The following DCC variants were observed in gnomAD, a reference collection of about 807,000 sequenced individuals.
DCC encodes the protein netrin receptor DCC.
DCC carries 58 observed loss-of-function variants against 172.5 expected under a neutral mutation model. The observed-to-expected ratio is 0.34, with a 90% CI of 0.27 to 0.42. The LOEUF is 0.42. Among genes scored for constraint, DCC ranks in the 10% least tolerant of loss-of-function variants. The pLI is 1.00. For synonymous variants in DCC, 709 were observed against 644.5 expected, an observed-to-expected ratio of 1.10 and a Z score of -1.52; for missense variants, 1,740 against 1,791.0, an observed-to-expected ratio of 0.97 and a Z score of 0.51.
At chr18:52,933,747 T>G (rs2145507652) in intron 5 of DCC, among the ~76,000 whole-genome samples, 1 of 152,210 alleles carries the variant, frequency 6.6e-6, no homozygotes, top group South Asian at 2.1e-4. Context: ...TTTGTAGAGC[T>G]TTAGGAGCTA....
At chr18:52,786,842 C>T (rs192705086) in intron 2 of DCC, among the ~76,000 whole-genome samples, 1 of 152,152 alleles carries the variant, frequency 6.6e-6, no homozygotes, top group Non-Finnish European at 1.5e-5. Context: ...CTCTGCAAGT[C>T]GAGATTGACT....
chr18:53,093,074 G>C (rs76248912), intron 7 of DCC, among the ~76,000 whole-genome samples: 2 of 152,130 alleles, frequency 1.3e-5, no homozygotes, highest in Non-Finnish European at 2.9e-5. Context: ...TTGAGACCAG[G>C]AGTTTGAGGC....
chr18:52,582,669 A>G (rs984160552), intron 1 of DCC, among the ~76,000 whole-genome samples: 5 of 152,154 alleles, frequency 3.3e-5, no homozygotes, highest in Non-Finnish European at 7.4e-5. Context: ...ATGACTAGGG[A>G]CAGGGCCATT....
At chr18:52,629,762 A>G (rs1048214944) in intron 1 of DCC, among the ~76,000 whole-genome samples, 11 of 151,988 alleles carry the variant, frequency 7.2e-5, no homozygotes, top group Admixed American at 7.2e-4. Flanking sequence ...CATCCTGACT[A>G]ACACAGTGAA....
At chr18:52,996,544 A>G (rs1358837964) in intron 5 of DCC, among the ~76,000 whole-genome samples, 2 of 151,996 alleles carry the variant, frequency 1.3e-5, no homozygotes. Context: ...GAAATTTTTC[A>G]CCCTAAATCT....
intron 26 of DCC, among the ~76,000 whole-genome samples, chr18:53,497,468 G>GGACTT (rs909367164): frequency 6.6e-6 from 1 of 152,310 alleles, no homozygotes; most frequent in Admixed American, 6.5e-5. Context: ...AGTGAGGAGA[G>GGACTT]GACTTGATGT....
At chr18:52,698,932 C>A (rs535325000) in intron 1 of DCC, among the ~76,000 whole-genome samples, 1 of 152,090 alleles carries the variant, frequency 6.6e-6, no homozygotes, top group East Asian at 1.9e-4. Flanking sequence ...TAAAAAGGAA[C>A]CTTTTCATGG....
chr18:52,456,930 A>G (rs1988474844), intron 1 of DCC, among the ~76,000 whole-genome samples: 1 of 151,738 alleles, frequency 6.6e-6, no homozygotes, highest in African/African-American at 2.4e-5. Context: ...TTTATCTAGT[A>G]TTTTCATTTT....
At chr18:52,366,658 A>G (rs1984871454) in intron 1 of DCC, among the ~76,000 whole-genome samples, 3 of 151,408 alleles carry the variant, frequency 2.0e-5, no homozygotes. Flanking sequence ...TGTATTTACA[A>G]TCCCTGAGCC....
intron 2 of DCC, among the ~76,000 whole-genome samples, chr18:52,896,328 C>T (rs1268563161): frequency 6.6e-6 from 1 of 152,056 alleles, no homozygotes; most frequent in Admixed American, 6.6e-5. Context: ...ATAATAAACT[C>T]CTAGCTGATC....
chr18:52,904,112 G>C (rs1304486722), intron 2 of DCC, among the ~76,000 whole-genome samples: 1 of 152,202 alleles, frequency 6.6e-6, no homozygotes, highest in African/African-American at 2.4e-5. Flanking sequence ...CCAGATTTCA[G>C]AGCCTTAGTT....
At chr18:53,196,387 A>T (rs183370050) in intron 9 of DCC, among the ~76,000 whole-genome samples, 105 of 152,306 alleles carry the variant, frequency 6.9e-4, no homozygotes, top group South Asian at 2.7e-3. Context: ...CTACATTAAA[A>T]ACATATTCTA....
At chr18:53,513,640 C>G (rs1212940169) in intron 27 of DCC, among the ~76,000 whole-genome samples, 1 of 151,368 alleles carries the variant, frequency 6.6e-6, no homozygotes, top group African/African-American at 2.4e-5. Flanking sequence ...AAATGGAAAA[C>G]AAAAAAAGGC....
At chr18:52,404,120 A>T (rs945465635) in intron 1 of DCC, among the ~76,000 whole-genome samples, 2 of 152,062 alleles carry the variant, frequency 1.3e-5, no homozygotes, top group African/African-American at 4.8e-5. Flanking sequence ...AGACAGCGGT[A>T]CAATGATACA....
intron 1 of DCC, among the ~76,000 whole-genome samples, chr18:52,348,365 G>A (rs1983970300): frequency 6.6e-6 from 1 of 152,082 alleles, no homozygotes; most frequent in South Asian, 2.1e-4. Context: ...GTCATAGAAG[G>A]GTATCTTTTC....
rs1007700949 is a variant in DCC, at chr18:52,656,063, T to C, written c.92-95991T>C. ...GTGTATATATATGTATATATGTGTATATATATGTGTATATATATGTGTGTG... is the reference window on the plus strand; with the variant it reads ...GTGTATATATATGTATATATGTGTACATATATGTGTATATATATGTGTGTG... On this transcript the variant is annotated intron_variant, in intron 1 of 28. Transcript: ENST00000442544. 3.7e-5 allele frequency among the ~76,000 whole-genome samples: 5 copies of C among 135,286 alleles called. No homozygotes were observed. The South Asian group carries it at 7.6e-4, about 21-fold the overall frequency. 88.8% of individuals were successfully genotyped at this position (135,286 alleles called of 152,430 possible).
At chr18:52,382,628 T>C (rs1260871763) in intron 1 of DCC, among the ~76,000 whole-genome samples, 1 of 152,124 alleles carries the variant, frequency 6.6e-6, no homozygotes, top group Non-Finnish European at 1.5e-5. Flanking sequence ...GAGAGATATT[T>C]TGGAGACAGC....
rs1568125542 is a variant in DCC at position 53,428,175 on chromosome 18, GT to G, written c.3164-6968del. Among the ~76,000 whole-genome samples, 9 of 24,308 alleles carry G rather than the reference GT, an allele frequency of 3.7e-4. 3 individuals are homozygous for G. Among genetic ancestry groups the G allele is most frequent in the African/African-American group, 8.6e-4 (9 of 10,412 alleles). The allele number at this position is 24,308 out of a possible 152,430, so 15.9% of individuals were successfully genotyped here. A position where few individuals can be genotyped will look rare whatever the true frequency, so the allele number is the denominator to read the frequency against. ...TATATAATATAATAATATATAATAT[GT>G]AATATATAATATAGAATATATAATA... is the stretch of plus-strand genomic sequence containing the variant. On this transcript the variant is annotated intron_variant, in intron 21 of 28. Transcript: ENST00000442544.
chr18:52,399,199 G>GT (rs1056878061), intron 1 of DCC, among the ~76,000 whole-genome samples: 2 of 151,696 alleles, frequency 1.3e-5, no homozygotes, highest in African/African-American at 2.4e-5. Context: ...AATATATAGT[G>GT]TTTTTTTGTT....
Sources: allele counts gnomAD v4.1 joint callset (sites outside exome capture counted in the v4.1 genomes callset), GRCh38; gene constraint gnomAD v4.1.1; transcripts MANE v1.5; gene names NCBI Gene and HGNC (gene_info 2026-07-23, HGNC 2026-07-21).